UGT2A1: variants seen among roughly 807,000 people sequenced by gnomAD.
UGT2A1 encodes the protein UDP glucuronosyltransferase family 2 member A1 complex locus.
UGT2A1 carries 61 observed loss-of-function variants against 45.4 expected under a neutral mutation model. The observed-to-expected ratio is 1.34, with a 90% confidence interval of 1.09 to 1.66. The LOEUF (loss-of-function observed/expected upper bound fraction) is 1.66. Ranked by LOEUF, UGT2A1 falls within the 40% of genes most tolerant of loss-of-function variation. The pLI, the probability that UGT2A1 is intolerant of heterozygous loss-of-function variation, is 0.00. For missense variants in UGT2A1, 649 were observed against 574.3 expected (o/e 1.13, Z -1.33); for synonymous variants, 229 against 196.2 (o/e 1.17, Z -1.40).
chr4:69,638,578 G>A (rs184969033), intron 2 of UGT2A1, among the ~76,000 whole-genome samples: 1 of 152,064 alleles, frequency 6.6e-6, no homozygotes, highest in South Asian at 2.1e-4. Context: ...ATTTGCCAGG[G>A]TATTTTTCAG....
intron 3 of UGT2A1, among the ~76,000 whole-genome samples, chr4:69,601,915 C>T (rs1410485019): frequency 4.4e-5 from 6 of 135,794 alleles, no homozygotes; most frequent in Non-Finnish European, 9.4e-5. Context: ...GAGGGCTGTA[C>T]CACAACCATG....
chr4:69,600,458 T>G (rs1026077266), intron 3 of UGT2A1, among the ~76,000 whole-genome samples: 9 of 152,112 alleles, frequency 5.9e-5, no homozygotes, highest in African/African-American at 2.2e-4. Context: ...AAACTCCCTT[T>G]GGCCAGAATT....
intron 2 of UGT2A1, among the ~76,000 whole-genome samples, chr4:69,643,439 T>C (rs953076690): frequency 2.6e-5 from 4 of 151,634 alleles, no homozygotes; most frequent in African/African-American, 9.7e-5. Flanking sequence ...TTTTAACATG[T>C]TTGATATTTC....
Position 69,614,836 on chromosome 4 carries a change from T to C in UGT2A1, c.848-15442A>G, listed in dbSNP as rs150533268. On this transcript the variant is annotated intron_variant, in intron 3 of 6. Coordinates refer to ENST00000286604, the MANE Select transcript of UGT2A1 (RefSeq NM_001252275.3). The stretch of plus-strand genomic sequence containing the variant: ...TAAAGAACTATCTGACACTGTAGTT[T>C]ATAAAGAAAAGAGGTTTAATTGACC... Among the ~76,000 whole-genome samples the C allele has an allele frequency of 5.1e-3, 778 of 152,092 alleles. 9 individuals carry two copies. Among genetic ancestry groups the C allele is most frequent in the African/African-American group, 0.017 (711 of 41,498 alleles).
rs4148307 is a variant in UGT2A1, at chr4:69,591,838, T to G, written c.1305-2187A>C. ...TAAAATGAACAAAATTGTCAGCAAC[T>G]AACAACTTTGTAATAGTCTAATTGA... On this transcript the variant is annotated intron_variant, in intron 6 of 6. Coordinates refer to ENST00000286604, the MANE Select transcript of UGT2A1 (RefSeq NM_001252275.3). Among the ~76,000 whole-genome samples the G allele has an allele frequency of 3.3e-3, 504 of 152,124 alleles. 9 individuals are homozygous for G. The highest frequency in any genetic ancestry group is 0.032 in the Admixed American group (485 of 15,286).
At chr4:69,597,733 CACAA>C (rs970183907) in intron 4 of UGT2A1, among the ~76,000 whole-genome samples, 29 of 152,014 alleles carry the variant, frequency 1.9e-4, no homozygotes, top group African/African-American at 6.3e-4. Context: ...CACACACACA[CACAA>C]ACATACACAT....
intron 3 of UGT2A1, among the ~76,000 whole-genome samples, chr4:69,600,596 T>C (rs1252216459): frequency 1.3e-5 from 2 of 152,166 alleles, no homozygotes; most frequent in Non-Finnish European, 1.5e-5. Flanking sequence ...CTTATTCCCA[T>C]AAAGAAATAC....
intron 3 of UGT2A1, among the ~76,000 whole-genome samples, chr4:69,630,629 A>C (rs969994373): frequency 2.0e-5 from 3 of 152,210 alleles, no homozygotes; most frequent in African/African-American, 7.2e-5. Flanking sequence ...CCCCAGAGGA[A>C]TGCAAGTTAA....
chr4:69,594,453 G>C (rs1200122136), intron 6 of UGT2A1, 24 bp downstream of exon 6: 1 of 1,608,012 alleles, frequency 6.2e-7, no homozygotes, highest in South Asian at 1.1e-5. Context: ...AGTTAGGCAA[G>C]TTTTTAGGAG....
chr4:69,600,712 A>G (rs552891117), intron 3 of UGT2A1, among the ~76,000 whole-genome samples: 1 of 152,212 alleles, frequency 6.6e-6, no homozygotes, highest in African/African-American at 2.4e-5. Context: ...GGCCTCAGGA[A>G]GCATCTAATC....
intron 2 of UGT2A1, chr4:69,639,536 C>G: frequency 1.9e-6 from 3 of 1,613,018 alleles, no homozygotes; most frequent in Non-Finnish European, 8.5e-7. Flanking sequence ...CATCTGTAGG[C>G]CAAATTAACA....
chr4:69,617,182 G>T (rs1720453834), intron 3 of UGT2A1, among the ~76,000 whole-genome samples: 1 of 151,838 alleles, frequency 6.6e-6, no homozygotes, highest in Non-Finnish European at 1.5e-5. Flanking sequence ...ACAAAAATGT[G>T]CATCCTTTGG....
At chr4:69,602,318 G>A (rs762420473) in intron 3 of UGT2A1, among the ~76,000 whole-genome samples, 1 of 137,102 alleles carries the variant, frequency 7.3e-6, no homozygotes. Flanking sequence ...TTCATCAAAT[G>A]TAACCTTTAT....
chr4:69,598,371 C>T (rs961490402), intron 4 of UGT2A1, among the ~76,000 whole-genome samples: 4 of 152,098 alleles, frequency 2.6e-5, no homozygotes, highest in African/African-American at 9.7e-5. Context: ...ATTGTTCCTA[C>T]CATGTGTACC....
intron 3 of UGT2A1, among the ~76,000 whole-genome samples, chr4:69,627,538 G>A (rs1454366916): frequency 4.8e-5 from 6 of 125,796 alleles, no homozygotes; most frequent in Non-Finnish European, 8.8e-5. Flanking sequence ...GAAAGAAAGA[G>A]AGAGAGAGAA....
chr4:69,625,312 A>G (rs998319442), intron 3 of UGT2A1, among the ~76,000 whole-genome samples: 20 of 150,632 alleles, frequency 1.3e-4, no homozygotes, highest in African/African-American at 4.9e-4. Flanking sequence ...TCTTGGATCT[A>G]TTTGTATATG....
chr4:69,598,968 C>T (rs992636561), intron 4 of UGT2A1, among the ~76,000 whole-genome samples: 1 of 152,098 alleles, frequency 6.6e-6, no homozygotes, highest in African/African-American at 2.4e-5. Flanking sequence ...TTTCTATGAT[C>T]TGGTTTTCTG....
At chr4:69,639,472 G>C in intron 2 of UGT2A1, 1 of 1,613,048 alleles carries the variant, frequency 6.2e-7, no homozygotes, top group Non-Finnish European at 8.5e-7. Flanking sequence ...GTCACATTGT[G>C]ATTTCTTTGA....
chr4:69,647,069 A>G lies in UGT2A1; in HGVS notation c.576T>C (p.Tyr192=), dbSNP rs111696697. The G allele has an allele frequency of 8.7e-6, 14 of 1,612,856 alleles. No homozygotes were observed. The highest frequency in any genetic ancestry group is 1.0e-5 in the Non-Finnish European group (12 of 1,179,318). ...TGAGTTCTGATAAAACAGCAGGAAC[A>G]TAGGAAGGAGGGTATGGTACCTTCC... The part of the protein sequence containing the change: ...HCGKVPYPPS[Y]VPAVLSELTD... Residue 192 remains tyrosine, a synonymous_variant, in exon 2 of 7, where the codon TAT becomes TAC. Coordinates refer to ENST00000286604, the MANE Select transcript of UGT2A1 (RefSeq NM_001252275.3).
Sources: allele counts gnomAD v4.1 joint callset (sites outside exome capture counted in the v4.1 genomes callset), GRCh38; gene constraint gnomAD v4.1.1; transcripts MANE v1.5; gene names NCBI Gene and HGNC (gene_info 2026-07-23, HGNC 2026-07-21).